ZCCHC24: variants seen among roughly 807,000 people sequenced by gnomAD.
ZCCHC24 encodes the protein zinc finger CCHC-type containing 24, also known as zinc finger CCHC domain-containing protein 24.
Under a neutral mutation model 26.2 loss-of-function variants are expected in ZCCHC24, and 10 were observed. The observed-to-expected ratio is 0.38, with a 90% CI of 0.24 to 0.65. ZCCHC24 has a LOEUF of 0.65. Among genes scored for constraint, ZCCHC24 ranks in the 30% least tolerant of loss-of-function variants. The pLI, the probability that ZCCHC24 is intolerant of heterozygous loss-of-function variation, is 0.54. For synonymous variants in ZCCHC24, 144 were observed against 147.1 expected (o/e 0.98, Z 0.15); for missense variants, 243 against 329.1 (o/e 0.74, Z 2.03).
chr10:79,398,460 T>G (rs1856577161), intron 2 of ZCCHC24, among the ~76,000 whole-genome samples: 1 of 152,170 alleles, frequency 6.6e-6, no homozygotes, highest in African/African-American at 2.4e-5. Context: ...GATTCTCTTC[T>G]TCGTTGCCTG....
chr10:79,389,079 C>T (rs1020849450), intron 3 of ZCCHC24, among the ~76,000 whole-genome samples: 6 of 152,238 alleles, frequency 3.9e-5, no homozygotes, highest in African/African-American at 7.2e-5. Flanking sequence ...CCTCCCAGCC[C>T]GTCTGAGTCC....
At chr10:79,390,117 C>T (rs977375862) in intron 3 of ZCCHC24, among the ~76,000 whole-genome samples, 3 of 152,194 alleles carry the variant, frequency 2.0e-5, no homozygotes, top group Admixed American at 6.5e-5. Flanking sequence ...GCAATCCTCC[C>T]ACCTTGGCCT....
chr10:79,397,837 C>T (rs200037609), intron 2 of ZCCHC24, among the ~76,000 whole-genome samples: 1 of 152,102 alleles, frequency 6.6e-6, no homozygotes, highest in East Asian at 1.9e-4. Context: ...GGACACTGGG[C>T]AGAGTGAAGC....
intron 3 of ZCCHC24, among the ~76,000 whole-genome samples, chr10:79,390,884 G>A (rs1197603684): frequency 6.6e-6 from 1 of 152,198 alleles, no homozygotes; most frequent in Admixed American, 6.5e-5. Context: ...CTGTGGGGCA[G>A]GAGAAATAAA....
At chr10:79,434,144 G>A (rs77167742) in intron 1 of ZCCHC24, among the ~76,000 whole-genome samples, 4,155 of 152,294 alleles carry the variant, frequency 0.027, 80 homozygotes, top group Non-Finnish European at 0.04. Flanking sequence ...GTGTGCATCT[G>A]GATCAGAGCC....
chr10:79,424,766 C>T (rs556938045), intron 2 of ZCCHC24, among the ~76,000 whole-genome samples: 1 of 152,220 alleles, frequency 6.6e-6, no homozygotes, highest in South Asian at 2.1e-4. Flanking sequence ...ACTCCTCCCC[C>T]AGGAGCGCCT....
At chr10:79,430,848 C>A (rs528703045) in intron 2 of ZCCHC24, among the ~76,000 whole-genome samples, 7 of 152,278 alleles carry the variant, frequency 4.6e-5, no homozygotes, top group East Asian at 1.9e-4. Context: ...AGTAAGCATA[C>A]CTCCTCGGGG....
At position 79,421,317 on chromosome 10, in the gene ZCCHC24, C is replaced by A. The variant is rs563010614; in HGVS notation, c.447+11241G>T. ...CCAGCCAGCCCAGGCTCCAGGAGAACCCCCTGCAATGCTACCTTCAGCACC... is the reference window on the plus strand; with the variant it reads ...CCAGCCAGCCCAGGCTCCAGGAGAAACCCCTGCAATGCTACCTTCAGCACC... On this transcript the variant is annotated intron_variant, in intron 2 of 3. Coordinates refer to ENST00000372336, the MANE Select transcript of ZCCHC24 (RefSeq NM_153367.4). Among the ~76,000 whole-genome samples the A allele has an allele frequency of 5.3e-5, 8 of 152,284 alleles. No individual in the cohort carries two copies. The East Asian group carries it at 1.2e-3, about 22-fold the overall frequency.
chr10:79,401,213 C>G (rs964491199), intron 2 of ZCCHC24, among the ~76,000 whole-genome samples: 28 of 152,234 alleles, frequency 1.8e-4, no homozygotes, highest in African/African-American at 6.8e-4. Context: ...ACCTCCCAGC[C>G]TGAGGTATGT....
chr10:79,409,902 C>A (rs778057235), intron 2 of ZCCHC24, among the ~76,000 whole-genome samples: 2 of 152,194 alleles, frequency 1.3e-5, no homozygotes, highest in African/African-American at 4.8e-5. Flanking sequence ...CCATCTGTGT[C>A]CCCCAGAGAA....
chr10:79,443,976 A>C, intron 1 of ZCCHC24: 1 of 1,238,910 alleles, frequency 8.1e-7, no homozygotes, highest in Non-Finnish European at 1.1e-6. Context: ...TGCCTCCCCT[A>C]GTAAATAATG....
intron 2 of ZCCHC24, among the ~76,000 whole-genome samples, chr10:79,426,298 T>C (rs1857026903): frequency 1.3e-5 from 2 of 152,246 alleles, no homozygotes; most frequent in South Asian, 4.1e-4. Flanking sequence ...CCTAGTGTTC[T>C]GCACATTTTA....
At chr10:79,441,220 A>G (rs1463548512) in intron 1 of ZCCHC24, among the ~76,000 whole-genome samples, 3 of 152,022 alleles carry the variant, frequency 2.0e-5, no homozygotes, top group East Asian at 1.9e-4. Flanking sequence ...ACACATCCAC[A>G]CTGGTCAGGC....
Position 79,386,324 on chromosome 10 carries a change from T to A in ZCCHC24, c.*21A>T, listed in dbSNP as rs1244715645. On this transcript the variant is annotated 3_prime_UTR_variant, in exon 4 of 4. Coordinates refer to ENST00000372336, the MANE Select transcript of ZCCHC24 (RefSeq NM_153367.4). ...TCCTCGGGCTGGCGGGGGGTGGCTCTGGGTGCGGGCGGGCAGCCCGTCACT... is the reference window on the plus strand; with the variant it reads ...TCCTCGGGCTGGCGGGGGGTGGCTCAGGGTGCGGGCGGGCAGCCCGTCACT... 1 of 1,608,562 alleles carries A rather than the reference T, an allele frequency of 6.2e-7. No individual in the cohort carries two copies.
chr10:79,391,053 T>C (rs1221560111), intron 3 of ZCCHC24, among the ~76,000 whole-genome samples: 1 of 152,050 alleles, frequency 6.6e-6, no homozygotes, highest in Non-Finnish European at 1.5e-5. Context: ...AGACCTGAGT[T>C]CCAGGGCCCC....
rs1044391327 is a variant in ZCCHC24, at chr10:79,445,333, G to A, written c.108C>T (p.Ala36=). 2.0e-6 allele frequency: 3 copies of A among 1,528,170 alleles called. No homozygotes were observed. The highest frequency in any genetic ancestry group is 5.4e-5 in the East Asian group (2 of 36,820). 94.7% of individuals were successfully genotyped at this position (1,528,170 alleles called of 1,614,324 possible). ...TCGGCTCGGGCCGGAAGGCATCGAA[G>A]GCGCTAGCCTGGTGCGTGTCCTGCA... ...LSLQDTHQAS[A]FDAFRPEPTA... is the part of the protein sequence containing the mutation. Residue 36 remains alanine, a synonymous_variant, in exon 1 of 4, where the codon GCC becomes GCT. Coordinates refer to ENST00000372336, the MANE Select transcript of ZCCHC24 (RefSeq NM_153367.4).
chr10:79,429,340 T>C (rs536045809), intron 2 of ZCCHC24, among the ~76,000 whole-genome samples: 2 of 152,306 alleles, frequency 1.3e-5, no homozygotes, highest in Admixed American at 6.5e-5. Flanking sequence ...CCCAGCACTT[T>C]GGGAGGCTGA....
At chr10:79,410,532 G>A (rs1306561372) in intron 2 of ZCCHC24, among the ~76,000 whole-genome samples, 1 of 152,214 alleles carries the variant, frequency 6.6e-6, no homozygotes, top group Non-Finnish European at 1.5e-5. Context: ...AGGGCCCTGT[G>A]GGGCTGGAGC....
At chr10:79,428,399 TTTTGCAAGATAAA>T (rs1857064985) in intron 2 of ZCCHC24, among the ~76,000 whole-genome samples, 1 of 36,312 alleles carries the variant, frequency 2.8e-5, no homozygotes, top group Non-Finnish European at 6.1e-5. Flanking sequence ...AGTATTTCAG[TTTTGCAAGATAAA>T]TTTCAGTTTT....
Sources: gnomAD v4.1 joint callset for allele counts (sites outside exome capture counted in the v4.1 genomes callset) on GRCh38, gnomAD v4.1.1 for gene constraint, MANE v1.5 for transcripts, NCBI Gene and HGNC (gene_info 2026-07-23, HGNC 2026-07-21) for gene names.